The following HEBP1 variants were observed in gnomAD, a reference collection of about 807,000 sequenced individuals.
HEBP1 encodes heme binding protein 1, also known as heme-binding protein 1.
Under a neutral mutation model 20.4 loss-of-function variants are expected in HEBP1, and 13 were observed. The observed-to-expected ratio is 0.64, with a 90% CI of 0.42 to 1.01. HEBP1 has a LOEUF of 1.01. Among genes scored for constraint, HEBP1 ranks in the 50% least tolerant of loss-of-function variants. HEBP1 has a pLI of 0.00. For synonymous variants in HEBP1, 92 were observed against 90.7 expected, an observed-to-expected ratio of 1.01 and a Z score of -0.08; for missense variants, 241 against 247.3, an observed-to-expected ratio of 0.97 and a Z score of 0.17.
intron 1 of HEBP1, among the ~76,000 whole-genome samples, chr12:12,997,614 T>TAGCTGGGCGCCGGCTGAC (rs1864306817): frequency 6.6e-6 from 1 of 152,156 alleles, no homozygotes; most frequent in South Asian, 2.1e-4. Flanking sequence ...TGAGCAAACG[T>TAGCTGGGCGCCGGCTGAC]AGCTGGGCGC....
At chr12:12,987,612 T>TCTCTCTCTCTTTC (rs1230851526) in intron 2 of HEBP1, among the ~76,000 whole-genome samples, 9 of 117,786 alleles carry the variant, frequency 7.6e-5, no homozygotes, top group African/African-American at 2.8e-4. Flanking sequence ...CTCTCTCTCT[T>TCTCTCTCTCTTTC]TCTCTCTCTC....
At position 12,986,224 on chromosome 12, in the gene HEBP1, A is replaced by T. The variant is rs1864150564; in HGVS notation, c.398+928T>A. 6.6e-6 allele frequency: 1 copy of T among 152,260 alleles called. No homozygotes were observed. Among genetic ancestry groups the T allele is most frequent in the Non-Finnish European group, 1.5e-5 (1 of 68,066 alleles). 9.4% of individuals were successfully genotyped at this position (152,260 alleles called of 1,614,324 possible). A position where few individuals can be genotyped will look rare whatever the true frequency, so the allele number is the denominator to read the frequency against. ...CTGTCCTCTGGAGGGCCCTGCAGTC[A>T]CCTGGCCTAGGACTACACACAGCGG... On this transcript the variant is annotated intron_variant, in intron 3 of 3. Coordinates refer to ENST00000014930, the MANE Select transcript of HEBP1 (RefSeq NM_015987.5). The surrounding 1 kb of genome is among the most constrained non-coding windows in gnomAD (Gnocchi z 4.3).
At chr12:12,985,102 C>T (rs766257102) in intron 3 of HEBP1, among the ~76,000 whole-genome samples, 1 of 151,054 alleles carries the variant, frequency 6.6e-6, no homozygotes, top group African/African-American at 2.4e-5. Flanking sequence ...GAGCCAAGAT[C>T]GCACCACTGC....
At chr12:12,983,562 C>T (rs1864113787) in intron 3 of HEBP1, 2 of 388,660 alleles carry the variant, frequency 5.1e-6, no homozygotes, top group South Asian at 1.9e-5. Flanking sequence ...ATCTCATTAA[C>T]ATTGCTTTCA....
intron 3 of HEBP1, among the ~76,000 whole-genome samples, chr12:12,985,170 G>A (rs569622143): frequency 7.2e-5 from 11 of 151,870 alleles, no homozygotes; most frequent in Non-Finnish European, 1.2e-4. Flanking sequence ...AGTAATGGGG[G>A]AAATCTGAGC....
intron 1 of HEBP1, among the ~76,000 whole-genome samples, chr12:12,989,817 C>CA (rs1565493630): frequency 6.6e-6 from 1 of 151,936 alleles, no homozygotes; most frequent in Non-Finnish European, 1.5e-5. Flanking sequence ...AGGGAGGAAA[C>CA]AAAAAATACA....
Position 12,998,931 on chromosome 12 carries a change from A to ATGGG in HEBP1, c.78+1105_78+1106insCCCA. 6.6e-6 allele frequency among the ~76,000 whole-genome samples: 1 copy of ATGGG among 152,188 alleles called. No homozygotes were observed. Among genetic ancestry groups the ATGGG allele is most frequent in the East Asian group, 1.9e-4 (1 of 5,172 alleles). ...ACTCATTCTGTATTCTAGGTACCCA[A>ATGGG]CTCCAGAGGATCTAACTGGCCAAAA... is the stretch of plus-strand genomic sequence containing the variant. On this transcript the variant is annotated intron_variant, in intron 1 of 3. Coordinates refer to ENST00000014930, the MANE Select transcript of HEBP1 (RefSeq NM_015987.5). This position sits in a 1 kb window ranked among gnomAD's most constrained non-coding sequence, Gnocchi z 4.2.
At chr12:12,992,229 A>T (rs938165856) in intron 1 of HEBP1, among the ~76,000 whole-genome samples, 4 of 152,268 alleles carry the variant, frequency 2.6e-5, no homozygotes, top group South Asian at 4.2e-4. Context: ...TTTGAGACAG[A>T]GTCTTGCTCT....
At chr12:13,000,011 G>A (rs1164379538) in intron 1 of HEBP1, 26 bp downstream of exon 1, 24 of 1,556,406 alleles carry the variant, frequency 1.5e-5, no homozygotes, top group Non-Finnish European at 2.1e-5. Flanking sequence ...CAATCCTTCA[G>A]GTCCTCGGCA....
chr12:12,986,975 T>C lies in HEBP1; in HGVS notation c.398+177A>G. The stretch of plus-strand genomic sequence containing the variant: ...GGCATTTATTCTGATAAAATGCAAA[T>C]GTGTGTGTGCTGCAGCCTGAAGAAA... On this transcript the variant is annotated intron_variant, in intron 3 of 3. Coordinates refer to ENST00000014930, the MANE Select transcript of HEBP1 (RefSeq NM_015987.5). The surrounding 1 kb of genome is among the most constrained non-coding windows in gnomAD (Gnocchi z 4.3). 1 of 617,096 alleles carries C rather than the reference T, an allele frequency of 1.6e-6. No individual in the cohort carries two copies. The allele number at this position is 617,096 out of a possible 1,614,324, so 38.2% of individuals were successfully genotyped here.
intron 1 of HEBP1, among the ~76,000 whole-genome samples, chr12:12,997,098 C>G (rs911184734): frequency 1.2e-4 from 19 of 152,126 alleles, no homozygotes; most frequent in African/African-American, 4.3e-4. Flanking sequence ...TTTTTATACT[C>G]ATTTTATAGC....
intron 1 of HEBP1, among the ~76,000 whole-genome samples, chr12:12,992,247 G>A (rs182685384): frequency 2.6e-5 from 4 of 152,086 alleles, no homozygotes; most frequent in Admixed American, 1.3e-4. Context: ...TCTGTCACCC[G>A]GGCTGGAGTG....
At chr12:12,989,235 C>G (rs1343120829) in intron 2 of HEBP1, 42 bp downstream of exon 2, 3 of 1,609,280 alleles carry the variant, frequency 1.9e-6, no homozygotes, top group Non-Finnish European at 2.5e-6. Context: ...CCTTGCAAAG[C>G]TGGTCCCCGA....
chr12:12,982,726 G>A (rs1394507766), intron 3 of HEBP1, among the ~76,000 whole-genome samples: 1 of 152,166 alleles, frequency 6.6e-6, no homozygotes, highest in African/African-American at 2.4e-5. Flanking sequence ...TAAACAACTT[G>A]CTGCAAGTTA....
At chr12:12,982,594 A>G (rs1418481664) in intron 3 of HEBP1, among the ~76,000 whole-genome samples, 1 of 152,216 alleles carries the variant, frequency 6.6e-6, no homozygotes, top group Non-Finnish European at 1.5e-5. Flanking sequence ...GGGAAAAATG[A>G]CATCAGCAAC....
chr12:12,981,064 T>A (rs1376416076), intron 3 of HEBP1, among the ~76,000 whole-genome samples: 1 of 152,080 alleles, frequency 6.6e-6, no homozygotes, highest in Non-Finnish European at 1.5e-5. Context: ...ACCATGGCAA[T>A]CATTTGTGCA....
rs535002734 is a variant in HEBP1, at chr12:13,000,018, G to C, written c.78+19C>G. The C allele has an allele frequency of 6.3e-7, 1 of 1,584,590 alleles. No individual in the cohort carries two copies. Among genetic ancestry groups the C allele is most frequent in the Non-Finnish European group, 8.6e-7 (1 of 1,156,954 alleles). On this transcript the variant is annotated intron_variant, in intron 1 of 3. Coordinates refer to ENST00000014930, the MANE Select transcript of HEBP1 (RefSeq NM_015987.5). ...GGAGGCAGCAATCCTTCAGGTCCTC[G>C]GCAGCCCTGCGGGCCTACCTTGTCC...
rs1255522547 is a variant in HEBP1, at chr12:12,986,902, A to G, written c.398+250T>C. The stretch of plus-strand genomic sequence containing the variant: ...ATGGCTAATGTAGACATTCACTGTA[A>G]GCTTAAGCAAAGCTTAAGCTCGTCC... On this transcript the variant is annotated intron_variant, in intron 3 of 3. Coordinates refer to ENST00000014930, the MANE Select transcript of HEBP1 (RefSeq NM_015987.5). This position sits in a 1 kb window ranked among gnomAD's most constrained non-coding sequence, Gnocchi z 4.3. The G allele has an allele frequency of 2.2e-6, 1 of 445,198 alleles. No individual in the cohort carries two copies. The highest frequency in any genetic ancestry group is 4.0e-6 in the Non-Finnish European group (1 of 248,470). The allele number at this position is 445,198 out of a possible 1,614,324, so 27.6% of individuals were successfully genotyped here.
chr12:12,976,259 C>T (rs955824730), intron 3 of HEBP1, among the ~76,000 whole-genome samples: 1 of 152,160 alleles, frequency 6.6e-6, no homozygotes, highest in Non-Finnish European at 1.5e-5. Flanking sequence ...TGAAAGCCTT[C>T]TTTTTCTAGT....
Sources: gnomAD v4.1 joint callset for allele counts (sites outside exome capture counted in the v4.1 genomes callset) on GRCh38, gnomAD v4.1.1 for gene constraint, Gnocchi (gnomAD v3.1) non-coding constraint, MANE v1.5 for transcripts, NCBI Gene and HGNC (gene_info 2026-07-23, HGNC 2026-07-21) for gene names.